The following WDR72 variants were observed in gnomAD, a reference collection of about 807,000 sequenced individuals.
WDR72 encodes WD repeat domain 72.
Under a neutral mutation model 124.2 loss-of-function variants are expected in WDR72, and 120 were observed. The ratio of observed to expected loss-of-function variants is 0.97; its 90% CI spans 0.83 to 1.12. The LOEUF (loss-of-function observed/expected upper bound fraction) is 1.12, where lower values mean the gene tolerates loss of function less well. Among genes scored for constraint, WDR72 ranks in the 50% most tolerant of loss-of-function variants. The pLI, the probability that WDR72 is intolerant of heterozygous loss-of-function variation, is 0.00. For synonymous variants in WDR72, 452 were observed against 441.7 expected (o/e 1.02, Z -0.29); for missense variants, 1,387 against 1,278.8 (o/e 1.08, Z -1.29).
intron 9 of WDR72, among the ~76,000 whole-genome samples, chr15:53,706,700 G>C (rs1027468428): frequency 6.6e-6 from 1 of 151,534 alleles, no homozygotes; most frequent in African/African-American, 2.4e-5. Flanking sequence ...TAGTAATTTT[G>C]TTATTAATAT....
At chr15:53,529,370 T>C (rs929398993) in intron 18 of WDR72, among the ~76,000 whole-genome samples, 1 of 151,772 alleles carries the variant, frequency 6.6e-6, no homozygotes, top group Non-Finnish European at 1.5e-5. Context: ...CTTTCCTTTA[T>C]AAAATGAGGG....
chr15:53,595,173 T>C (rs2012712413), intron 18 of WDR72, among the ~76,000 whole-genome samples: 1 of 152,162 alleles, frequency 6.6e-6, no homozygotes, highest in Non-Finnish European at 1.5e-5. Context: ...AACCACAAAT[T>C]TTCTTTTACC....
chr15:53,674,106 A>G (rs1181017550), intron 13 of WDR72, among the ~76,000 whole-genome samples: 1 of 152,216 alleles, frequency 6.6e-6, no homozygotes, highest in Non-Finnish European at 1.5e-5. Flanking sequence ...GTGAGTGGAC[A>G]TATTATAGAA....
chr15:53,759,503 C>G (rs2019011054), intron 1 of WDR72, 130 bp downstream of exon 1: 1 of 152,296 alleles, frequency 6.6e-6, no homozygotes. Context: ...TGTATCCAAG[C>G]GCGGGCCGTC....
At chr15:53,602,679 A>G (rs1178297272) in intron 17 of WDR72, among the ~76,000 whole-genome samples, 1 of 152,082 alleles carries the variant, frequency 6.6e-6, no homozygotes, top group Non-Finnish European at 1.5e-5. Context: ...ACAGAAAAGC[A>G]ATCCTCGGAG....
At chr15:53,745,139 T>G (rs2018612896) in intron 1 of WDR72, among the ~76,000 whole-genome samples, 1 of 151,176 alleles carries the variant, frequency 6.6e-6, no homozygotes, top group South Asian at 2.1e-4. Context: ...GAGCCTCAGT[T>G]TTCTTATCTA....
intron 17 of WDR72, among the ~76,000 whole-genome samples, chr15:53,597,559 G>C (rs893722199): frequency 2.6e-5 from 4 of 152,006 alleles, no homozygotes; most frequent in Non-Finnish European, 5.9e-5. Flanking sequence ...ACAAAGAGGA[G>C]TTTTTAATTA....
intron 13 of WDR72, among the ~76,000 whole-genome samples, chr15:53,669,184 C>T (rs1486110605): frequency 6.6e-6 from 1 of 152,106 alleles, no homozygotes; most frequent in African/African-American, 2.4e-5. Flanking sequence ...TTGCATCCAA[C>T]CACTTTCTTT....
intron 13 of WDR72, among the ~76,000 whole-genome samples, 164 bp downstream of exon 13, chr15:53,699,586 T>C (rs1342873036): frequency 6.6e-6 from 1 of 152,214 alleles, no homozygotes; most frequent in East Asian, 1.9e-4. Flanking sequence ...GGCCGTTGTG[T>C]TTAATTTTGC....
chr15:53,643,996 TTTAAG>T (rs1250756919), intron 14 of WDR72, among the ~76,000 whole-genome samples: 5 of 152,236 alleles, frequency 3.3e-5, no homozygotes, highest in Admixed American at 3.3e-4. Flanking sequence ...CCAAATCAAG[TTTAAG>T]TTTAGTGTTT....
chr15:53,630,097 T>C (rs902081674), intron 14 of WDR72, among the ~76,000 whole-genome samples: 3 of 149,652 alleles, frequency 2.0e-5, no homozygotes, highest in African/African-American at 7.5e-5. Flanking sequence ...TGCCAGCAAA[T>C]TAGGAAATCA....
At position 53,712,837 on chromosome 15, in the gene WDR72, G is replaced by C; in HGVS notation, c.646C>G (p.Gln216Glu). 6.2e-7 allele frequency: 1 copy of C among 1,613,690 alleles called. No individual in the cohort carries two copies. Among genetic ancestry groups the C allele is most frequent in the Non-Finnish European group, 8.5e-7 (1 of 1,179,814 alleles). Residue 216 changes from glutamine to glutamate, a missense_variant, in exon 7 of 20, where the codon CAG (glutamine) becomes GAG (glutamate). By Grantham distance (29) the Gln-to-Glu change is conservative. Coordinates refer to ENST00000360509, the MANE Select transcript of WDR72 (RefSeq NM_182758.4). ...GTATATGTGCAAAATCGAATTGTCT[G>C]GCAGTTCAAGGACTCAAGAAACTTG... ...ESKFLESLNC[Q>E]TIRFCTYTER...
chr15:53,580,004 G>A (rs1394201544), intron 18 of WDR72, among the ~76,000 whole-genome samples: 2 of 151,928 alleles, frequency 1.3e-5, no homozygotes, highest in East Asian at 3.9e-4. Context: ...ATATGCTTTG[G>A]ACCCCTCACG....
intron 13 of WDR72, among the ~76,000 whole-genome samples, chr15:53,682,190 G>C (rs1458900628): frequency 3.9e-5 from 6 of 152,096 alleles, no homozygotes; most frequent in Non-Finnish European, 7.3e-5. Flanking sequence ...TTCATCCTTG[G>C]AATGTCCTTA....
intron 9 of WDR72, among the ~76,000 whole-genome samples, chr15:53,709,529 TG>T (rs1250983308): frequency 6.6e-6 from 1 of 152,220 alleles, no homozygotes; most frequent in Non-Finnish European, 1.5e-5. Context: ...AGGGCACAAC[TG>T]ATCATTGGCT....
At chr15:53,678,683 T>G (rs515611) in intron 13 of WDR72, among the ~76,000 whole-genome samples, 16,770 of 152,234 alleles carry the variant, frequency 0.11, 2,568 homozygotes, top group African/African-American at 0.34. Context: ...CCTCCCTTTT[T>G]TGGTCCCCTG....
intron 1 of WDR72, among the ~76,000 whole-genome samples, chr15:53,737,412 T>C (rs771601607): frequency 1.3e-4 from 20 of 152,188 alleles, no homozygotes; most frequent in Non-Finnish European, 2.4e-4. Context: ...TATCCTACTA[T>C]ATCTTACTTA....
intron 1 of WDR72, among the ~76,000 whole-genome samples, chr15:53,737,781 A>C (rs759336326): frequency 1.1e-4 from 17 of 152,224 alleles, no homozygotes; most frequent in Non-Finnish European, 2.1e-4. Flanking sequence ...TAAATACTTG[A>C]ACCACATAAT....
At chr15:53,743,449 C>A (rs1243441656) in intron 1 of WDR72, among the ~76,000 whole-genome samples, 1 of 152,120 alleles carries the variant, frequency 6.6e-6, no homozygotes, top group African/African-American at 2.4e-5. Context: ...GGACTTCCTA[C>A]CTTTTATAGT....
Sources: allele counts gnomAD v4.1 joint callset (sites outside exome capture counted in the v4.1 genomes callset), GRCh38; gene constraint gnomAD v4.1.1; transcripts MANE v1.5; gene names NCBI Gene and HGNC (gene_info 2026-07-23, HGNC 2026-07-21).